The following PSMA8 variants were observed in gnomAD, a reference collection of about 807,000 sequenced individuals.
PSMA8 encodes the protein proteasome 20S subunit alpha 8.
In PSMA8, 18 loss-of-function variants were observed where a neutral mutation model predicts 32.4. The observed-to-expected ratio is 0.56, with a 90% CI of 0.38 to 0.82. The LOEUF (loss-of-function observed/expected upper bound fraction) is 0.82, where lower values mean the gene tolerates loss of function less well. Among genes scored for constraint, PSMA8 ranks in the 40% least tolerant of loss-of-function variants. The probability of loss-of-function intolerance (pLI) is 0.00; values close to 1 mark genes in which losing one functional copy is unlikely to be tolerated. For missense variants in PSMA8, 298 were observed against 300.7 expected (o/e 0.99, Z 0.07); for synonymous variants, 104 against 98.1 (o/e 1.06, Z -0.36).
intron 2 of PSMA8, among the ~76,000 whole-genome samples, chr18:26,146,009 T>C (rs2144282185): frequency 6.6e-6 from 1 of 152,330 alleles, no homozygotes; most frequent in Admixed American, 6.5e-5. Flanking sequence ...GTTATCAGCA[T>C]TTGCTATTGT....
At chr18:26,155,247 G>A (rs1369530729) in intron 3 of PSMA8, among the ~76,000 whole-genome samples, 1 of 151,630 alleles carries the variant, frequency 6.6e-6, no homozygotes, top group Non-Finnish European at 1.5e-5. Flanking sequence ...AAAAAGAAAA[G>A]GCTCATTAAG....
chr18:26,163,916 T>C (rs773262845), intron 4 of PSMA8, among the ~76,000 whole-genome samples: 6 of 152,124 alleles, frequency 3.9e-5, no homozygotes, highest in Non-Finnish European at 5.9e-5. Context: ...ATTAGAGGCA[T>C]TGGGCCAGGG....
intron 1 of PSMA8, among the ~76,000 whole-genome samples, chr18:26,135,955 T>C (rs542326064): frequency 2.0e-5 from 3 of 152,342 alleles, no homozygotes; most frequent in South Asian, 4.1e-4. Flanking sequence ...ACCTTTTACA[T>C]AGGGTAAAGT....
intron 6 of PSMA8, among the ~76,000 whole-genome samples, chr18:26,188,791 G>T (rs1381444247): frequency 6.6e-6 from 1 of 152,116 alleles, no homozygotes; most frequent in African/African-American, 2.4e-5. Context: ...TCCATATGCA[G>T]AAGAATGAAA....
intron 6 of PSMA8, among the ~76,000 whole-genome samples, chr18:26,181,191 A>G (rs1334312553): frequency 6.6e-6 from 1 of 152,142 alleles, no homozygotes; most frequent in Non-Finnish European, 1.5e-5. Flanking sequence ...TTTCATTATT[A>G]TTATTATATG....
In PSMA8 at chr18:26,169,045, A is replaced by G. The variant is rs1176888258; in HGVS notation, c.478-9785A>G. Among the ~76,000 whole-genome samples the G allele has an allele frequency of 5.3e-5, 7 of 131,384 alleles. 1 individual carries two copies. The highest frequency in any genetic ancestry group is 1.0e-4 in the Non-Finnish European group (7 of 66,998). The allele number at this position is 131,384 out of a possible 152,430, so 86.2% of individuals were successfully genotyped here. A position where few individuals can be genotyped will look rare whatever the true frequency, so the allele number is the denominator to read the frequency against. On this transcript the variant is annotated intron_variant, in intron 4 of 6. Coordinates refer to ENST00000415576, the MANE Select transcript of PSMA8 (RefSeq NM_001025096.2). ...CACCCCGGCTGGAGTGCAGTGGCACAATCACGACTCACTGCAGCCTTGAAC... is the reference window on the plus strand; with the variant it reads ...CACCCCGGCTGGAGTGCAGTGGCACGATCACGACTCACTGCAGCCTTGAAC...
At chr18:26,147,518 A>G (rs2055013957) in intron 2 of PSMA8, among the ~76,000 whole-genome samples, 1 of 152,196 alleles carries the variant, frequency 6.6e-6, no homozygotes, top group Non-Finnish European at 1.5e-5. Context: ...TCTCAATTCA[A>G]CAGCCTGCCT....
intron 4 of PSMA8, among the ~76,000 whole-genome samples, chr18:26,165,878 C>T (rs1019564660): frequency 6.6e-6 from 1 of 151,848 alleles, no homozygotes; most frequent in African/African-American, 2.4e-5. Context: ...GGTGGATCAC[C>T]TGAGGTCAGG....
intron 3 of PSMA8, among the ~76,000 whole-genome samples, chr18:26,154,597 GGTTTTTTGTTTGTTTATTT>G (rs1374202251): frequency 6.6e-6 from 1 of 151,716 alleles, no homozygotes; most frequent in Non-Finnish European, 1.5e-5. Flanking sequence ...TGTAGTTTTG[GGTTTTTTGTTTGTTTATTT>G]GTTTTTTGTT....
intron 3 of PSMA8, among the ~76,000 whole-genome samples, chr18:26,157,688 A>C (rs1339366007): frequency 6.6e-6 from 1 of 152,182 alleles, no homozygotes; most frequent in Non-Finnish European, 1.5e-5. Flanking sequence ...GTCCTTGATA[A>C]AAATAGTGTC....
intron 4 of PSMA8, among the ~76,000 whole-genome samples, chr18:26,176,066 A>G (rs998487627): frequency 6.8e-6 from 1 of 147,090 alleles, no homozygotes; most frequent in Non-Finnish European, 1.5e-5. Context: ...CTGAGGAGGC[A>G]GGTAGGAAAA....
intron 2 of PSMA8, among the ~76,000 whole-genome samples, chr18:26,150,261 A>C (rs1226060190): frequency 6.6e-6 from 1 of 152,196 alleles, no homozygotes; most frequent in African/African-American, 2.4e-5. Context: ...ACTTGACTGA[A>C]TACTCATTTT....
chr18:26,161,388 A>T (rs1276113546), intron 4 of PSMA8, among the ~76,000 whole-genome samples: 1 of 152,232 alleles, frequency 6.6e-6, no homozygotes, highest in African/African-American at 2.4e-5. Context: ...TCCCTGTAAG[A>T]TGTCACACAG....
intron 2 of PSMA8, among the ~76,000 whole-genome samples, chr18:26,148,574 A>T (rs1388792486): frequency 6.6e-6 from 1 of 152,196 alleles, no homozygotes; most frequent in Non-Finnish European, 1.5e-5. Flanking sequence ...TCAGTGGTGA[A>T]AGATTGAAAG....
At chr18:26,158,778 G>T (rs921027030) in intron 4 of PSMA8, among the ~76,000 whole-genome samples, 3 of 152,166 alleles carry the variant, frequency 2.0e-5, no homozygotes, top group Non-Finnish European at 4.4e-5. Context: ...CTACAGTAAT[G>T]ACTTTGTTTA....
intron 2 of PSMA8, among the ~76,000 whole-genome samples, chr18:26,151,282 A>G (rs1054577469): frequency 6.6e-6 from 1 of 152,214 alleles, no homozygotes; most frequent in South Asian, 2.1e-4. Context: ...CAAAGTGGAC[A>G]TGGAAAAGTC....
chr18:26,183,055 G>A (rs1463514992), intron 6 of PSMA8, among the ~76,000 whole-genome samples: 2 of 148,246 alleles, frequency 1.3e-5, no homozygotes, highest in African/African-American at 2.5e-5. Flanking sequence ...TCATGCTATC[G>A]CACTCCAGAC....
chr18:26,139,911 G>A (rs949590147), intron 1 of PSMA8: 31 of 582,054 alleles, frequency 5.3e-5, no homozygotes, highest in Non-Finnish European at 9.2e-5. Flanking sequence ...CAATTTGTTC[G>A]CATAGTGTTT....
In PSMA8 at chr18:26,134,128, T is replaced by TG. The variant is rs1598636845; in HGVS notation, c.102+62dup. On this transcript the variant is annotated intron_variant, in intron 1 of 6. Coordinates refer to ENST00000415576, the MANE Select transcript of PSMA8 (RefSeq NM_001025096.2). ...CTGACCTGTCAGGCCATCGTTACCC[T>TG]GCTGCCCCAGCCCACCTTTCCATCC... The TG allele has an allele frequency of 1.5e-5, 18 of 1,240,322 alleles. No individual in the cohort carries two copies. In the East Asian group the frequency reaches 4.2e-4, roughly 29 times the overall value. 76.8% of individuals were successfully genotyped at this position (1,240,322 alleles called of 1,614,324 possible).
Sources: gnomAD v4.1 joint callset for allele counts (sites outside exome capture counted in the v4.1 genomes callset) on GRCh38, gnomAD v4.1.1 for gene constraint, MANE v1.5 for transcripts, NCBI Gene and HGNC (gene_info 2026-07-23, HGNC 2026-07-21) for gene names.